Variants in PRR5 observed in about 807,000 individuals in gnomAD.
PRR5 encodes the protein proline rich 5, also known as proline-rich protein 5.
A neutral mutation model predicts 30.6 loss-of-function variants in PRR5; 25 were observed. The observed-to-expected ratio is 0.82, with a 90% CI of 0.60 to 1.14. The LOEUF is 1.14. Among genes scored for constraint, PRR5 ranks in the 50% most tolerant of loss-of-function variants. The pLI is 0.00. For synonymous variants in PRR5, 286 were observed against 247.1 expected (o/e 1.16, Z -1.48); for missense variants, 600 against 547.1 (o/e 1.10, Z -0.96).
intron 4 of PRR5, 84 bp from the exon 5 acceptor site, chr22:44,731,646 C>A: frequency 7.1e-7 from 1 of 1,407,002 alleles, no homozygotes; most frequent in Non-Finnish European, 1.0e-6. Flanking sequence ...TCCACTCCCG[C>A]ATCCTCTGAT....
intron 7 of PRR5, 30 bp from the exon 8 acceptor site, chr22:44,736,742 T>C: frequency 6.6e-7 from 1 of 1,523,092 alleles, no homozygotes; most frequent in Non-Finnish European, 8.8e-7. Context: ...AGGTGGCCTC[T>C]GGTGTGACAG....
At position 44,731,755 on chromosome 22, in the gene PRR5, A is replaced by G; in HGVS notation, c.348A>G (p.Ala116=). The G allele has an allele frequency of 6.2e-7, 1 of 1,613,810 alleles. No homozygotes were observed. Among genetic ancestry groups the G allele is most frequent in the Non-Finnish European group, 8.5e-7 (1 of 1,180,006 alleles). The change falls in exon 5 of 8, where the codon GCA becomes GCG. Residue 116 remains alanine, a synonymous_variant. Transcript: ENST00000336985. ...YEGQKLLDSL[A]ETWDFFFSDV... ...GACAGAAGCTGCTGGACTCACTGGC[A>G]GAGACCTGGGACTTCTTCTTCAGTG...
chr22:44,699,453 A>G (rs1463087933), upstream of PRR5, among the ~76,000 whole-genome samples: 1 of 152,252 alleles, frequency 6.6e-6, no homozygotes, highest in Non-Finnish European at 1.5e-5. Context: ...CTGCGTTTAC[A>G]CCAGTGGCCA....
chr22:44,678,561 C>G (rs553580166), intron 1 of PRR5, among the ~76,000 whole-genome samples: 1 of 152,124 alleles, frequency 6.6e-6, no homozygotes, highest in South Asian at 2.1e-4. Flanking sequence ...GTGATCCACC[C>G]GCCTCTGCCC....
Position 44,737,319 on chromosome 22 carries a change from G to A in PRR5, c.*72G>A. Reference sequence around the variant, plus strand: ...GGGGGTGTCCATGTGGCGTGTGTGTGAGTGAGACTTTTTTACTGCGTCCCG... The same window carrying A: ...GGGGGTGTCCATGTGGCGTGTGTGTAAGTGAGACTTTTTTACTGCGTCCCG... On this transcript the variant is annotated 3_prime_UTR_variant, in exon 8 of 8. Transcript: ENST00000336985. 2 of 1,516,432 alleles carry A rather than the reference G, an allele frequency of 1.3e-6. No individual in the cohort carries two copies. Among genetic ancestry groups the A allele is most frequent in the African/African-American group, 1.4e-5 (1 of 72,388 alleles). The allele number at this position is 1,516,432 out of a possible 1,614,324, so 93.9% of individuals were successfully genotyped here.
At chr22:44,685,498 C>T (rs1267394489) in intron 1 of PRR5, among the ~76,000 whole-genome samples, 5 of 152,152 alleles carry the variant, frequency 3.3e-5, no homozygotes, top group South Asian at 2.1e-4. Context: ...CTCAGTTTCT[C>T]CTTAAGGTGG....
At chr22:44,693,467 A>AAAAAAAAAAAAAAGG (rs1925461926) in intron 1 of PRR5, among the ~76,000 whole-genome samples, 1 of 152,046 alleles carries the variant, frequency 6.6e-6, no homozygotes, top group African/African-American at 2.4e-5. Context: ...TCAAAAAAAA[A>AAAAAAAAAAAAAAGG]GTGTCAGCAG....
chr22:44,723,891 CAAG>C (rs777435517), intron 2 of PRR5, among the ~76,000 whole-genome samples: 6 of 152,144 alleles, frequency 3.9e-5, no homozygotes, highest in African/African-American at 7.2e-5. Context: ...CACTGGCAGA[CAAG>C]GAGGCAACAC....
intron 2 of PRR5, among the ~76,000 whole-genome samples, chr22:44,719,556 C>A (rs557224537): frequency 6.6e-6 from 1 of 152,272 alleles, no homozygotes; most frequent in South Asian, 2.1e-4. Flanking sequence ...TGTGCTCAGC[C>A]GTGAGGTCCG....
At chr22:44,717,913 C>A (rs903927460) in intron 2 of PRR5, among the ~76,000 whole-genome samples, 5 of 151,918 alleles carry the variant, frequency 3.3e-5, no homozygotes, top group African/African-American at 1.2e-4. Flanking sequence ...CGGGGTTTGT[C>A]CATGTTGGTC....
At chr22:44,714,754 C>T in intron 2 of PRR5, 83 bp downstream of exon 2, 1 of 1,544,026 alleles carries the variant, frequency 6.5e-7, no homozygotes, top group South Asian at 1.1e-5. Flanking sequence ...AGCCAGGCCC[C>T]TGACCCGCCA....
Position 44,702,372 on chromosome 22 carries a change from T to C in PRR5, c.-103T>C. On this transcript the variant is annotated 5_prime_UTR_variant, in exon 1 of 8. Coordinates refer to ENST00000336985, the MANE Select transcript of PRR5 (RefSeq NM_181333.4). ...CTCGGCTTCCTGCTCTCGCCGGAGTTTCCGCGTAGAGGGCGCATCGCCGGC... is the reference window on the plus strand; with the variant it reads ...CTCGGCTTCCTGCTCTCGCCGGAGTCTCCGCGTAGAGGGCGCATCGCCGGC... 8.4e-7 allele frequency: 1 copy of C among 1,193,904 alleles called. No individual in the cohort carries two copies. The highest frequency in any genetic ancestry group is 4.1e-5 in the South Asian group (1 of 24,296). The allele number at this position is 1,193,904 out of a possible 1,614,324, so 74.0% of individuals were successfully genotyped here.
intron 1 of PRR5, among the ~76,000 whole-genome samples, chr22:44,670,576 GA>G (rs1230244187): frequency 6.6e-6 from 1 of 152,270 alleles, no homozygotes; most frequent in Non-Finnish European, 1.5e-5. Context: ...TCGGCCGTGA[GA>G]AGGGCTGGCA....
upstream of PRR5, among the ~76,000 whole-genome samples, chr22:44,673,987 A>G (rs1057223165): frequency 2.0e-5 from 3 of 152,194 alleles, no homozygotes; most frequent in Admixed American, 1.3e-4. Context: ...CAACATCGCC[A>G]TATTGGACAG....
At chr22:44,729,708 C>T (rs938080840) in intron 4 of PRR5, 2 of 985,368 alleles carry the variant, frequency 2.0e-6, no homozygotes, top group Admixed American at 6.1e-5. Context: ...CCAACAGCCG[C>T]GAGGCTGCCC....
chr22:44,711,694 G>A (rs1339130059), intron 1 of PRR5, among the ~76,000 whole-genome samples: 2 of 152,186 alleles, frequency 1.3e-5, no homozygotes, highest in Admixed American at 1.3e-4. Flanking sequence ...ACCGTCCGCT[G>A]TAAGGGAGGC....
At chr22:44,702,114 C>CGCCCCGCCCGCGATGCCCCCGCCCCCT (rs1926372890), upstream of PRR5, 1 of 228,766 alleles carries the variant, frequency 4.4e-6, no homozygotes, top group Admixed American at 6.3e-5. Flanking sequence ...CCTGAGGCCC[C>CGCCCCGCCCGCGATGCCCCCGCCCCCT]GCCCCGCCCG....
intron 1 of PRR5, among the ~76,000 whole-genome samples, chr22:44,695,310 T>G (rs755896975): frequency 6.6e-6 from 1 of 152,112 alleles, no homozygotes; most frequent in Non-Finnish European, 1.5e-5. Flanking sequence ...AAGACAAAGG[T>G]TTTTAAAGGA....
chr22:44,711,413 G>A (rs1184627294), intron 1 of PRR5, among the ~76,000 whole-genome samples: 1 of 152,130 alleles, frequency 6.6e-6, no homozygotes, highest in Non-Finnish European at 1.5e-5. Flanking sequence ...AGTCAGGAGG[G>A]CAGTGTGAGT....
Sources: allele counts gnomAD v4.1 joint callset (sites outside exome capture counted in the v4.1 genomes callset), GRCh38; gene constraint gnomAD v4.1.1; transcripts MANE v1.5; gene names NCBI Gene and HGNC (gene_info 2026-07-23, HGNC 2026-07-21).